Variants in PTPRD observed in about 807,000 individuals in gnomAD.
PTPRD encodes protein tyrosine phosphatase receptor type D.
Under a neutral mutation model 214.5 loss-of-function variants are expected in PTPRD, and 34 were observed. The ratio of observed to expected loss-of-function variants is 0.16; its 90% confidence interval spans 0.12 to 0.21. The LOEUF (loss-of-function observed/expected upper bound fraction) is 0.21. Among genes scored for constraint, PTPRD ranks in the 10% least tolerant of loss-of-function variants. PTPRD has a pLI of 1.00. For synonymous variants in PTPRD, 1,128 were observed against 845.7 expected (o/e 1.33, Z -5.79); for missense variants, 2,545 against 2,398.7 (o/e 1.06, Z -1.27).
chr9:10,230,993 T>C (rs1444683815), intron 3 of PTPRD, among the ~76,000 whole-genome samples: 1 of 151,960 alleles, frequency 6.6e-6, no homozygotes, highest in Admixed American at 6.6e-5. Flanking sequence ...AAGATGCTTA[T>C]GAGGAGGACT....
At chr9:9,455,584 T>C (rs2092875368) in intron 8 of PTPRD, among the ~76,000 whole-genome samples, 1 of 151,624 alleles carries the variant, frequency 6.6e-6, no homozygotes, top group Admixed American at 6.6e-5. Flanking sequence ...TTATCATTAC[T>C]CAGCTGTGTT....
chr9:8,517,092 C>T (rs1368761496), intron 21 of PTPRD, among the ~76,000 whole-genome samples: 1 of 152,016 alleles, frequency 6.6e-6, no homozygotes, highest in Non-Finnish European at 1.5e-5. Flanking sequence ...AGGCGTGAGC[C>T]ACTGTGCGTG....
chr9:10,084,421 A>G (rs544955010), intron 3 of PTPRD, among the ~76,000 whole-genome samples: 108 of 152,102 alleles, frequency 7.1e-4, no homozygotes, highest in African/African-American at 2.4e-3. Context: ...TATACTATGA[A>G]TAAAATGATA....
intron 11 of PTPRD, among the ~76,000 whole-genome samples, chr9:8,885,099 G>T (rs1416461785): frequency 6.6e-6 from 1 of 152,166 alleles, no homozygotes; most frequent in African/African-American, 2.4e-5. Context: ...AGACAAGCCT[G>T]TGCTCTGAGA....
intron 5 of PTPRD, among the ~76,000 whole-genome samples, chr9:9,792,600 G>C (rs943068909): frequency 6.6e-6 from 1 of 152,122 alleles, no homozygotes. Context: ...TAAAATGTAA[G>C]ATATTACATA....
At chr9:8,920,239 G>T (rs528807928) in intron 11 of PTPRD, among the ~76,000 whole-genome samples, 5 of 151,972 alleles carry the variant, frequency 3.3e-5, no homozygotes, top group African/African-American at 9.7e-5. Flanking sequence ...TACTTGGGGG[G>T]CTGAGGCAGG....
chr9:8,706,561 A>G (rs1474344227), intron 12 of PTPRD, among the ~76,000 whole-genome samples: 1 of 152,114 alleles, frequency 6.6e-6, no homozygotes, highest in African/African-American at 2.4e-5. Flanking sequence ...TCATATATTT[A>G]GGAAACAGAG....
chr9:9,971,122 T>C (rs1292310971), intron 4 of PTPRD, among the ~76,000 whole-genome samples: 5 of 152,222 alleles, frequency 3.3e-5, no homozygotes, highest in African/African-American at 7.2e-5. Context: ...AAATTCAGTA[T>C]TCAAAAGGAG....
intron 9 of PTPRD, among the ~76,000 whole-genome samples, chr9:9,257,139 G>C (rs1224875920): frequency 6.6e-6 from 1 of 151,942 alleles, no homozygotes; most frequent in African/African-American, 2.4e-5. Flanking sequence ...AGATGATCTA[G>C]TAAAATCTCC....
intron 14 of PTPRD, among the ~76,000 whole-genome samples, chr9:8,553,061 A>G (rs2082592859): frequency 1.3e-5 from 2 of 152,188 alleles, no homozygotes. Flanking sequence ...ATAACTGCCC[A>G]GCTGAACCAC....
intron 5 of PTPRD, among the ~76,000 whole-genome samples, chr9:9,819,614 G>T (rs990820324): frequency 6.6e-6 from 1 of 152,046 alleles, no homozygotes. Flanking sequence ...TATCACCCAG[G>T]TACTGAGCAT....
chr9:8,942,072 C>T (rs1461689464), intron 11 of PTPRD, among the ~76,000 whole-genome samples: 1 of 152,176 alleles, frequency 6.6e-6, no homozygotes, highest in Admixed American at 6.5e-5. Context: ...TTCCAAAGTG[C>T]TGGAATTACA....
intron 12 of PTPRD, among the ~76,000 whole-genome samples, chr9:8,683,844 A>C (rs2097606966): frequency 1.3e-5 from 2 of 152,208 alleles, no homozygotes; most frequent in Admixed American, 1.3e-4. Context: ...GACCAGAACC[A>C]GGAGTCCTGG....
intron 11 of PTPRD, among the ~76,000 whole-genome samples, chr9:8,813,268 G>A (rs916225035): frequency 2.2e-4 from 34 of 152,068 alleles, no homozygotes; most frequent in Non-Finnish European, 4.3e-4. Context: ...GAAGGGCGGG[G>A]GGGCAGAGGC....
At chr9:8,467,171 A>G (rs2096561192) in intron 31 of PTPRD, among the ~76,000 whole-genome samples, 1 of 151,942 alleles carries the variant, frequency 6.6e-6, no homozygotes, top group African/African-American at 2.4e-5. Context: ...GATGCAATTA[A>G]AATTACATGA....
At chr9:10,185,225 A>G (rs1802074230) in intron 3 of PTPRD, among the ~76,000 whole-genome samples, 1 of 152,166 alleles carries the variant, frequency 6.6e-6, no homozygotes, top group South Asian at 2.1e-4. Flanking sequence ...ACTAAGATTT[A>G]CTACATTTAA....
At chr9:10,562,219 C>T in intron 2 of PTPRD, among the ~76,000 whole-genome samples, 1 of 152,170 alleles carries the variant, frequency 6.6e-6, no homozygotes, top group Non-Finnish European at 1.5e-5. Context: ...GTTCTTTTTA[C>T]CTATGTACTA....
chr9:9,555,362 G>GAT (rs2081271440), intron 8 of PTPRD, among the ~76,000 whole-genome samples: 2 of 151,966 alleles, frequency 1.3e-5, no homozygotes, highest in Admixed American at 1.3e-4. Context: ...ACACATTATT[G>GAT]ACTGAGTTCA....
chr9:9,667,043 G>C (rs2096737135), intron 7 of PTPRD, among the ~76,000 whole-genome samples: 2 of 151,914 alleles, frequency 1.3e-5, no homozygotes, highest in South Asian at 4.1e-4. Flanking sequence ...AACATAAAAG[G>C]ATACAAATTT....
Sources: gnomAD v4.1 joint callset for allele counts (sites outside exome capture counted in the v4.1 genomes callset) on GRCh38, gnomAD v4.1.1 for gene constraint, MANE v1.5 for transcripts, NCBI Gene and HGNC (gene_info 2026-07-23, HGNC 2026-07-21) for gene names.